Variants in ULK4 observed in about 807,000 individuals in gnomAD.
The protein encoded by ULK4 is unc-51 like kinase 4.
Under a neutral mutation model 160.6 loss-of-function variants are expected in ULK4, and 133 were observed. That is an observed-to-expected ratio of 0.83 (90% confidence interval 0.72 to 0.96). The LOEUF (loss-of-function observed/expected upper bound fraction) is 0.96. Among genes scored for constraint, ULK4 ranks in the 40% least tolerant of loss-of-function variants. The probability of loss-of-function intolerance (pLI) is 0.00; values close to 1 mark genes in which losing one functional copy is unlikely to be tolerated. For missense variants in ULK4, 1,580 were observed against 1,499.5 expected (o/e 1.05, Z -0.89); for synonymous variants, 534 against 539.8 (o/e 0.99, Z 0.15).
intron 27 of ULK4, among the ~76,000 whole-genome samples, chr3:41,702,399 C>T (rs111864439): frequency 0.054 from 8,193 of 152,170 alleles, 721 homozygotes; most frequent in African/African-American, 0.19. Context: ...TCTGCCTCGG[C>T]CTCCCAAAGT....
chr3:41,948,738 A>AC (rs398105807), intron 2 of ULK4, among the ~76,000 whole-genome samples: 6 of 150,448 alleles, frequency 4.0e-5, no homozygotes, highest in African/African-American at 1.5e-4. Flanking sequence ...AAAAAAAAAA[A>AC]CTCCAAAAGC....
intron 35 of ULK4, among the ~76,000 whole-genome samples, chr3:41,327,930 C>T (rs915834068): frequency 5.9e-5 from 9 of 152,210 alleles, no homozygotes; most frequent in African/African-American, 9.6e-5. Flanking sequence ...TCAGAGGTGA[C>T]GGCACAAAAA....
intron 20 of ULK4, among the ~76,000 whole-genome samples, chr3:41,794,329 C>A (rs2040230876): frequency 6.6e-6 from 1 of 152,090 alleles, no homozygotes; most frequent in African/African-American, 2.4e-5. Context: ...AGAAAAGGAA[C>A]AACAGGACTT....
intron 35 of ULK4, among the ~76,000 whole-genome samples, chr3:41,378,600 G>C (rs1049250382): frequency 1.3e-5 from 2 of 151,342 alleles, no homozygotes; most frequent in African/African-American, 4.9e-5. Flanking sequence ...CTTGGACACA[G>C]CAAGGTGAAC....
chr3:41,605,806 C>A (rs1052533679), intron 31 of ULK4, among the ~76,000 whole-genome samples: 4 of 151,958 alleles, frequency 2.6e-5, no homozygotes, highest in African/African-American at 7.2e-5. Context: ...AATACACATT[C>A]TTTACATATA....
intron 35 of ULK4, among the ~76,000 whole-genome samples, chr3:41,270,425 G>A (rs1429165614): frequency 1.3e-5 from 2 of 150,468 alleles, no homozygotes; most frequent in Non-Finnish European, 1.5e-5. Context: ...TGTGGGGTCT[G>A]GGTCCTTAGA....
rs767683719 is a variant in ULK4, at chr3:41,873,881, G to GT, written c.1656+9992dup. On this transcript the variant is annotated intron_variant, in intron 17 of 36. Coordinates refer to ENST00000301831, the MANE Select transcript of ULK4 (RefSeq NM_017886.4). ...TAGGTTTGTTTTTGTGGTTTTTTTTGTTTTTTTTTTTTGATGTGGGAGGAT... is the reference window on the plus strand; with the variant it reads ...TAGGTTTGTTTTTGTGGTTTTTTTTGTTTTTTTTTTTTTGATGTGGGAGGAT... Among the ~76,000 whole-genome samples, 569 of 113,438 alleles carry GT rather than the reference G, an allele frequency of 5.0e-3. 3 individuals are homozygous for GT. The highest frequency in any genetic ancestry group is 7.3e-3 in the Non-Finnish European group (384 of 52,338). 74.4% of individuals were successfully genotyped at this position (113,438 alleles called of 152,430 possible). A position where few individuals can be genotyped will look rare whatever the true frequency, so the allele number is the denominator to read the frequency against.
At chr3:41,659,006 A>G (rs2035048514) in intron 30 of ULK4, among the ~76,000 whole-genome samples, 1 of 152,240 alleles carries the variant, frequency 6.6e-6, no homozygotes, top group Admixed American at 6.5e-5. Flanking sequence ...TTGTGATAGT[A>G]GTTTACATAA....
rs752720385 is a variant in ULK4 at position 41,398,176 on chromosome 3, C to G, written c.3581G>C (p.Ser1194Thr). 2 of 1,613,532 alleles carry G rather than the reference C, an allele frequency of 1.2e-6. No homozygotes were observed. The highest frequency in any genetic ancestry group is 1.7e-6 in the Non-Finnish European group (2 of 1,179,678). Residue 1194 changes from serine (S) to threonine (T), a missense_variant, in exon 35 of 37, where the codon AGC becomes ACC. By Grantham distance (58) the Ser-to-Thr change is moderately conservative (BLOSUM62 1). Transcript: ENST00000301831. ...AATTTCCACATTTTCAGGAGAGAGG[C>G]TGTCCGGGTTTTCCCCTCCATACAG... Reference protein sequence around the residue: ...VQLYGGENPDSLSPENVEIFA... With the variant: ...VQLYGGENPDTLSPENVEIFA...
intron 34 of ULK4, among the ~76,000 whole-genome samples, chr3:41,423,729 G>A (rs1302531150): frequency 6.6e-6 from 1 of 152,134 alleles, no homozygotes; most frequent in African/African-American, 2.4e-5. Context: ...CCCATGGGGA[G>A]TGAGGAAAAG....
rs550069712 is a variant in ULK4 at position 41,319,837 on chromosome 3, T to C, written c.3679-70263A>G. ...CCAGAAACATTACATGAATAAATGG[T>C]GGAGCCAGAGCCAGTGAATTAATAA... On this transcript the variant is annotated intron_variant, in intron 35 of 36. Coordinates refer to ENST00000301831, the MANE Select transcript of ULK4 (RefSeq NM_017886.4). 7.2e-4 allele frequency among the ~76,000 whole-genome samples: 109 copies of C among 152,268 alleles called. 1 individual carries two copies. Among genetic ancestry groups the C allele is most frequent in the African/African-American group, 2.6e-3 (109 of 41,536 alleles).
intron 17 of ULK4, among the ~76,000 whole-genome samples, chr3:41,881,295 A>T (rs1177912187): frequency 4.2e-4 from 11 of 26,022 alleles, no homozygotes; most frequent in Admixed American, 3.1e-3. Flanking sequence ...AAAAAAAAAA[A>T]AAAAAAAAAA....
intron 35 of ULK4, among the ~76,000 whole-genome samples, chr3:41,276,108 G>A (rs2079224615): frequency 6.6e-6 from 1 of 152,218 alleles, no homozygotes; most frequent in African/African-American, 2.4e-5. Flanking sequence ...ATATGTGTCT[G>A]TAAACATCAG....
At chr3:41,270,058 G>A (rs1158930766) in intron 35 of ULK4, among the ~76,000 whole-genome samples, 3 of 152,060 alleles carry the variant, frequency 2.0e-5, no homozygotes, top group East Asian at 3.9e-4. Flanking sequence ...AGCATAAACA[G>A]ACATATACAG....
At chr3:41,432,274 T>C (rs2082932546) in intron 34 of ULK4, among the ~76,000 whole-genome samples, 1 of 152,168 alleles carries the variant, frequency 6.6e-6, no homozygotes, top group African/African-American at 2.4e-5. Context: ...GCATAAATGA[T>C]TATGTTACCC....
intron 27 of ULK4, among the ~76,000 whole-genome samples, chr3:41,693,720 T>A (rs548752090): frequency 6.6e-6 from 1 of 152,336 alleles, no homozygotes; most frequent in South Asian, 2.1e-4. Context: ...GAGGGATATA[T>A]ATTTCAGGGA....
intron 22 of ULK4, among the ~76,000 whole-genome samples, chr3:41,729,005 T>G (rs1207679187): frequency 6.6e-6 from 1 of 152,112 alleles, no homozygotes; most frequent in East Asian, 1.9e-4. Context: ...TGACTGAAGG[T>G]GCCTGATACT....
intron 2 of ULK4, among the ~76,000 whole-genome samples, chr3:41,949,336 AAAAAG>A (rs1312251789): frequency 4.0e-5 from 6 of 150,546 alleles, no homozygotes; most frequent in African/African-American, 1.2e-4. Flanking sequence ...ACACACACAC[AAAAAG>A]TAAAGTTTCC....
chr3:41,379,354 C>A (rs1339431311), intron 35 of ULK4, among the ~76,000 whole-genome samples: 1 of 151,958 alleles, frequency 6.6e-6, no homozygotes, highest in South Asian at 2.1e-4. Context: ...GAAATGAGAG[C>A]CCTAATCATT....
Sources: gnomAD v4.1 joint callset for allele counts (sites outside exome capture counted in the v4.1 genomes callset) on GRCh38, gnomAD v4.1.1 for gene constraint, MANE v1.5 for transcripts, NCBI Gene and HGNC (gene_info 2026-07-23, HGNC 2026-07-21) for gene names.